KAT6B: variants seen among roughly 807,000 people sequenced by gnomAD.
The protein encoded by KAT6B is histone acetyltransferase KAT6B.
In KAT6B, 10 loss-of-function variants were observed where a neutral mutation model predicts 187.5. That is an observed-to-expected ratio of 0.05 (90% CI 0.03 to 0.09). KAT6B has a LOEUF of 0.09. Ranked by LOEUF, KAT6B falls within the 10% of genes least tolerant of loss-of-function variation. The pLI is 1.00. For missense variants in KAT6B, 1,952 were observed against 2,558.9 expected, an observed-to-expected ratio of 0.76 and a Z score of 5.12; for synonymous variants, 861 against 926.8, an observed-to-expected ratio of 0.93 and a Z score of 1.29.
At chr10:74,941,748 C>G (rs1486896404) in intron 3 of KAT6B, among the ~76,000 whole-genome samples, 2 of 152,166 alleles carry the variant, frequency 1.3e-5, no homozygotes, top group African/African-American at 4.8e-5. Context: ...GTGATGAAAT[C>G]TATCAAATCT....
At chr10:74,880,067 A>T (rs946639249) in intron 3 of KAT6B, among the ~76,000 whole-genome samples, 2 of 151,586 alleles carry the variant, frequency 1.3e-5, no homozygotes, top group East Asian at 3.9e-4. Context: ...AAGGTAGATT[A>T]AAAAAAAAGA....
intron 3 of KAT6B, among the ~76,000 whole-genome samples, chr10:74,899,018 G>GAAAAA (rs1846189770): frequency 7.0e-6 from 1 of 141,954 alleles, no homozygotes; most frequent in African/African-American, 2.8e-5. Flanking sequence ...AAAAATAGCC[G>GAAAAA]AGCATGGTGG....
chr10:75,028,626 G>A lies in KAT6B; in HGVS notation c.3802G>A (p.Gly1268Arg), dbSNP rs199470473. Reference sequence around the variant, plus strand: ...GAGGCAAAACAAAGAGAGGAAGACCGGATTTAAACTGAATTTGTACACCCC... The same window carrying A: ...GAGGCAAAACAAAGAGAGGAAGACCAGATTTAAACTGAATTTGTACACCCC... ...KWRQNKERKT[G>R]FKLNLYTPPE... Residue 1268 changes from glycine (G) to arginine (R), a missense_variant, in exon 18 of 18, where the codon GGA (glycine) becomes AGA (arginine). This residue lies in a region of KAT6B where 758 missense variants were observed against 891.4 expected (regional missense o/e 0.85). Coordinates refer to ENST00000287239, the MANE Select transcript of KAT6B (RefSeq NM_012330.4). 16 of 1,614,030 alleles carry A rather than the reference G, an allele frequency of 9.9e-6. No individual in the cohort carries two copies. The African/African-American group carries it at 1.1e-4, about 11-fold the overall frequency.
chr10:74,920,501 T>C lies in KAT6B; in HGVS notation c.622-39469T>C, dbSNP rs138940119. The stretch of plus-strand genomic sequence containing the variant: ...GTTGTTAGCTCTTTGAATTACCTAT[T>C]CTGTCCTCATTAGAAGAGTGCCTCC... On this transcript the variant is annotated intron_variant, in intron 3 of 17. Coordinates refer to ENST00000287239, the MANE Select transcript of KAT6B (RefSeq NM_012330.4). 7.2e-5 allele frequency among the ~76,000 whole-genome samples: 11 copies of C among 152,358 alleles called. No individual in the cohort carries two copies. The East Asian group carries it at 2.1e-3, about 29-fold the overall frequency.
Position 75,030,466 on chromosome 10 carries a change from C to T in KAT6B, c.5642C>T (p.Pro1881Leu). ...CAAGCACAAGCTACCATGACCCCAC[C>T]CCCCAACCTGACTCCTCCTCCAATG... ...GPQAQATMTP[P>L]PNLTPPPMNL... Residue 1881 changes from proline to leucine, a missense_variant, in exon 18 of 18, where the codon CCC becomes CTC. Physicochemically the swap from Pro to Leu is moderately conservative, Grantham distance 98. This residue lies in a region of KAT6B where 358 missense variants were observed against 436.3 expected (regional missense o/e 0.82). Coordinates refer to ENST00000287239, the MANE Select transcript of KAT6B (RefSeq NM_012330.4). This position sits in a 1 kb window ranked among gnomAD's most constrained non-coding sequence, Gnocchi z 4.8. 1 of 1,613,502 alleles carries T rather than the reference C, an allele frequency of 6.2e-7. No individual in the cohort carries two copies. The highest frequency in any genetic ancestry group is 8.5e-7 in the Non-Finnish European group (1 of 1,179,416).
At chr10:74,923,391 A>G (rs1329467468) in intron 3 of KAT6B, among the ~76,000 whole-genome samples, 1 of 152,220 alleles carries the variant, frequency 6.6e-6, no homozygotes, top group African/African-American at 2.4e-5. Flanking sequence ...ATTCATTTAC[A>G]TCCTAATGGG....
At chr10:74,904,476 C>T (rs1470139718) in intron 3 of KAT6B, among the ~76,000 whole-genome samples, 1 of 152,238 alleles carries the variant, frequency 6.6e-6, no homozygotes, top group Non-Finnish European at 1.5e-5. Flanking sequence ...AAATCTCCCA[C>T]ACACTTTTGG....
intron 3 of KAT6B, among the ~76,000 whole-genome samples, chr10:74,899,684 C>T (rs960258384): frequency 2.0e-5 from 3 of 152,166 alleles, no homozygotes; most frequent in Non-Finnish European, 2.9e-5. Flanking sequence ...TCAATAGTCA[C>T]CCTTTTTTGG....
chr10:74,992,598 A>AC (rs1402607224), intron 13 of KAT6B, among the ~76,000 whole-genome samples: 1 of 152,206 alleles, frequency 6.6e-6, no homozygotes, highest in African/African-American at 2.4e-5. Context: ...GTAAAGTTGA[A>AC]CCAAGTTGTA....
At chr10:74,944,653 C>T (rs572850244) in intron 3 of KAT6B, among the ~76,000 whole-genome samples, 17 of 151,750 alleles carry the variant, frequency 1.1e-4, no homozygotes, top group African/African-American at 4.1e-4. Context: ...ACTAAATATA[C>T]AAAAAATTAG....
chr10:74,872,675 G>C (rs1844081092), intron 3 of KAT6B, among the ~76,000 whole-genome samples: 1 of 145,616 alleles, frequency 6.9e-6, no homozygotes, highest in Admixed American at 6.7e-5. Context: ...ACCACTCCTG[G>C]CTAATTAATT....
chr10:74,864,026 T>C (rs1282881966), intron 3 of KAT6B, among the ~76,000 whole-genome samples: 1 of 152,224 alleles, frequency 6.6e-6, no homozygotes. Context: ...GCTTATATTT[T>C]TATGAGTTTG....
In KAT6B at chr10:75,030,019, G is replaced by A; in HGVS notation, c.5195G>A (p.Cys1732Tyr). ...CAGATGTCCAACATCAGCGGGAGCT[G>A]CAGCATGCTGCAGCAAACCAGCATC... ...TQQMSNISGS[C>Y]SMLQQTSISS... is the part of the protein sequence containing the mutation. Residue 1732 changes from cysteine to tyrosine, a missense_variant, in exon 18 of 18, where the codon TGC becomes TAC. Coordinates refer to ENST00000287239, the MANE Select transcript of KAT6B (RefSeq NM_012330.4). The surrounding 1 kb of genome is among the most constrained non-coding windows in gnomAD (Gnocchi z 4.8). 1.2e-6 allele frequency: 2 copies of A among 1,614,196 alleles called. No homozygotes were observed. The highest frequency in any genetic ancestry group is 1.7e-5 in the Admixed American group (1 of 60,032).
At chr10:74,867,217 G>A (rs1032267838) in intron 3 of KAT6B, among the ~76,000 whole-genome samples, 2 of 152,070 alleles carry the variant, frequency 1.3e-5, no homozygotes, top group Non-Finnish European at 2.9e-5. Flanking sequence ...CCTGACTCTC[G>A]AAGCATAATA....
At chr10:74,916,873 G>T (rs1003126111) in intron 3 of KAT6B, among the ~76,000 whole-genome samples, 1 of 152,148 alleles carries the variant, frequency 6.6e-6, no homozygotes, top group African/African-American at 2.4e-5. Context: ...AGGCCCAGGC[G>T]GGTGGATGTC....
rs115492468 is a variant in KAT6B, at chr10:74,879,645, A to T, written c.621+36167A>T. On this transcript the variant is annotated intron_variant, in intron 3 of 17. Coordinates refer to ENST00000287239, the MANE Select transcript of KAT6B (RefSeq NM_012330.4). ...TCTGTAGTGCTAATGCCATTCTGAG[A>T]AGCCTTTCAATGAATCTGAGCTCAG... Among the ~76,000 whole-genome samples the T allele has an allele frequency of 3.5e-3, 539 of 152,298 alleles. 1 individual carries two copies. The highest frequency in any genetic ancestry group is 0.012 in the African/African-American group (508 of 41,556).
chr10:74,916,086 C>T (rs866548135), intron 3 of KAT6B, among the ~76,000 whole-genome samples: 4 of 152,242 alleles, frequency 2.6e-5, no homozygotes, highest in Middle Eastern at 3.4e-3. Context: ...TTGCTTGAAC[C>T]CGGAGGCGGA....
intron 3 of KAT6B, among the ~76,000 whole-genome samples, chr10:74,880,050 A>G (rs1272593670): frequency 1.3e-5 from 2 of 152,208 alleles, no homozygotes; most frequent in African/African-American, 4.8e-5. Flanking sequence ...AAATAATAAT[A>G]AAAATAAAGG....
In KAT6B at chr10:75,030,878, A is replaced by G. The variant is rs1446331653; in HGVS notation, c.6054A>G (p.Gln2018=). Residue 2018 remains glutamine (Q), a synonymous_variant, in exon 18 of 18, where the codon CAA becomes CAG. Transcript: ENST00000287239. The surrounding 1 kb of genome is among the most constrained non-coding windows in gnomAD (Gnocchi z 4.8). ...ATGGCTATATGAATCAAACGCCCCA[A>G]TACCCTATGCAGATGCAGATGGGCA... ...SNHGYMNQTP[Q]YPMQMQMGMM... 6.0e-5 allele frequency: 97 copies of G among 1,614,010 alleles called. No homozygotes were observed. Among genetic ancestry groups the G allele is most frequent in the Non-Finnish European group, 7.8e-5 (92 of 1,180,024 alleles).
Sources: gnomAD v4.1 joint callset for allele counts (sites outside exome capture counted in the v4.1 genomes callset) on GRCh38, gnomAD v4.1.1 for gene constraint, gnomAD v4.1.1 regional missense constraint, Gnocchi (gnomAD v3.1) non-coding constraint, MANE v1.5 for transcripts, NCBI Gene and HGNC (gene_info 2026-07-23, HGNC 2026-07-21) for gene names.